Variants in CFAP299 observed in about 807,000 individuals in gnomAD.
CFAP299 encodes cilia- and flagella-associated protein 299.
CFAP299 carries 21 observed loss-of-function variants against 27.0 expected under a neutral mutation model. The observed-to-expected ratio is 0.78, with a 90% confidence interval of 0.55 to 1.12. CFAP299 has a LOEUF of 1.12. CFAP299 is among the 50% of genes most tolerant of loss of function. The pLI is 0.00. For synonymous variants in CFAP299, 104 were observed against 98.1 expected, an observed-to-expected ratio of 1.06 and a Z score of -0.36; for missense variants, 310 against 276.6, an observed-to-expected ratio of 1.12 and a Z score of -0.86.
Position 80,458,733 on chromosome 4 carries a change from A to G in CFAP299, c.242+95849A>G, listed in dbSNP as rs567896026. On this transcript the variant is annotated intron_variant, in intron 2 of 5. Coordinates refer to ENST00000358105, the MANE Select transcript of CFAP299 (RefSeq NM_152770.3). The stretch of plus-strand genomic sequence containing the variant: ...CACAGAAGATGCAGCCTTCCCCTCC[A>G]GGATCTCCCCAAAAATTCAATCCCA... Among the ~76,000 whole-genome samples, 7 of 152,272 alleles carry G rather than the reference A, an allele frequency of 4.6e-5. No individual in the cohort carries two copies. The South Asian group carries it at 1.2e-3, about 27-fold the overall frequency.
At chr4:80,491,565 T>C (rs1731134157) in intron 2 of CFAP299, among the ~76,000 whole-genome samples, 1 of 152,142 alleles carries the variant, frequency 6.6e-6, no homozygotes, top group South Asian at 2.1e-4. Context: ...TTTGGGAAAC[T>C]TTCACTTTCT....
chr4:80,340,691 A>G (rs542589488), intron 1 of CFAP299, among the ~76,000 whole-genome samples: 1 of 152,324 alleles, frequency 6.6e-6, no homozygotes, highest in East Asian at 1.9e-4. Flanking sequence ...TGGGGAGTCT[A>G]GGTGGCCCTG....
chr4:80,850,601 G>C (rs1026110951), intron 3 of CFAP299, among the ~76,000 whole-genome samples: 2 of 151,970 alleles, frequency 1.3e-5, no homozygotes, highest in Non-Finnish European at 2.9e-5. Context: ...GTAAGGGAGA[G>C]GTGAGAGTGG....
chr4:80,450,312 A>C (rs1371528030), intron 2 of CFAP299, among the ~76,000 whole-genome samples: 1 of 152,200 alleles, frequency 6.6e-6, no homozygotes. Flanking sequence ...TATGTGCCAA[A>C]TATAATCGAG....
intron 2 of CFAP299, among the ~76,000 whole-genome samples, chr4:80,441,081 T>A (rs901391339): frequency 6.6e-6 from 1 of 152,208 alleles, no homozygotes; most frequent in Admixed American, 6.5e-5. Context: ...CAATGTTTGA[T>A]TGATATACCT....
chr4:80,521,669 G>A (rs1358514683), intron 2 of CFAP299, among the ~76,000 whole-genome samples: 16 of 151,874 alleles, frequency 1.1e-4, no homozygotes, highest in Non-Finnish European at 4.4e-5. Flanking sequence ...GCTTTGATGA[G>A]TTTGACTACT....
intron 3 of CFAP299, among the ~76,000 whole-genome samples, chr4:80,704,635 A>G (rs988221762): frequency 6.6e-6 from 1 of 151,786 alleles, no homozygotes; most frequent in African/African-American, 2.4e-5. Context: ...TCATTGGCAA[A>G]AGATCAAACA....
intron 3 of CFAP299, among the ~76,000 whole-genome samples, chr4:80,607,760 A>G (rs1250920426): frequency 6.6e-6 from 1 of 152,132 alleles, no homozygotes; most frequent in Non-Finnish European, 1.5e-5. Flanking sequence ...AATAAAAAGG[A>G]TTGTTTCGAG....
intron 3 of CFAP299, among the ~76,000 whole-genome samples, chr4:80,855,266 T>C (rs201178980): frequency 1.3e-5 from 2 of 152,292 alleles, no homozygotes; most frequent in African/African-American, 2.4e-5. Flanking sequence ...GTATTTTTCA[T>C]TGATCTATAT....
chr4:80,456,768 C>G (rs1447131531), intron 2 of CFAP299, among the ~76,000 whole-genome samples: 2 of 152,080 alleles, frequency 1.3e-5, no homozygotes, highest in Non-Finnish European at 2.9e-5. Flanking sequence ...AGACATTAAT[C>G]TGTGACTCAT....
intron 2 of CFAP299, among the ~76,000 whole-genome samples, chr4:80,369,302 C>T (rs764277102): frequency 2.6e-5 from 4 of 152,180 alleles, no homozygotes; most frequent in Non-Finnish European, 5.9e-5. Flanking sequence ...AGCATAAAGG[C>T]CTCTCTTCAT....
At chr4:80,383,253 G>C (rs1414025748) in intron 2 of CFAP299, among the ~76,000 whole-genome samples, 3 of 151,966 alleles carry the variant, frequency 2.0e-5, no homozygotes, top group Admixed American at 2.0e-4. Flanking sequence ...TTAGTACCTG[G>C]GTGACAGAAT....
chr4:80,645,005 C>A (rs138440177), intron 3 of CFAP299, among the ~76,000 whole-genome samples: 2,156 of 152,150 alleles, frequency 0.014, 28 homozygotes, highest in South Asian at 0.061. Flanking sequence ...ACCAGCCCCC[C>A]CTCAGAAATC....
chr4:80,530,431 T>A (rs1359225237), intron 2 of CFAP299, among the ~76,000 whole-genome samples: 26 of 152,164 alleles, frequency 1.7e-4, no homozygotes, highest in Non-Finnish European at 2.2e-4. Context: ...GTTATGCAGT[T>A]ATGCTACAAG....
At chr4:80,862,249 G>A (rs1445984666) in intron 3 of CFAP299, among the ~76,000 whole-genome samples, 1 of 151,850 alleles carries the variant, frequency 6.6e-6, no homozygotes, top group Non-Finnish European at 1.5e-5. Flanking sequence ...GTGTGCTTGT[G>A]GTCCCAGCTA....
chr4:80,805,508 A>G (rs558455200), intron 3 of CFAP299, among the ~76,000 whole-genome samples: 1 of 152,276 alleles, frequency 6.6e-6, no homozygotes, highest in Admixed American at 6.5e-5. Flanking sequence ...ACACCTACTC[A>G]GAACATAGTA....
chr4:80,719,832 C>T (rs565488610), intron 3 of CFAP299, among the ~76,000 whole-genome samples: 6 of 152,300 alleles, frequency 3.9e-5, no homozygotes, highest in African/African-American at 1.4e-4. Context: ...TTCTCCTGTC[C>T]AGCCCACAGC....
At chr4:80,355,572 G>T (rs1723234539) in intron 1 of CFAP299, among the ~76,000 whole-genome samples, 1 of 151,876 alleles carries the variant, frequency 6.6e-6, no homozygotes, top group South Asian at 2.1e-4. Context: ...TGGACAGGCT[G>T]GTCTCGAACT....
chr4:80,953,130 T>C (rs1737868437), intron 5 of CFAP299, among the ~76,000 whole-genome samples: 1 of 152,208 alleles, frequency 6.6e-6, no homozygotes, highest in Admixed American at 6.6e-5. Context: ...AGGTTATGGC[T>C]TCCGCAACGT....
Sources: gnomAD v4.1 joint callset for allele counts (sites outside exome capture counted in the v4.1 genomes callset) on GRCh38, gnomAD v4.1.1 for gene constraint, MANE v1.5 for transcripts, NCBI Gene and HGNC (gene_info 2026-07-23, HGNC 2026-07-21) for gene names.